Variants in GLIS3 observed in about 807,000 individuals in gnomAD.
GLIS3 encodes zinc finger protein GLIS3.
A neutral mutation model predicts 78.6 loss-of-function variants in GLIS3; 53 were observed. That is an observed-to-expected ratio of 0.67 (90% CI 0.54 to 0.85). The LOEUF (loss-of-function observed/expected upper bound fraction) is 0.85, where lower values mean the gene tolerates loss of function less well. Among genes scored for constraint, GLIS3 ranks in the 40% least tolerant of loss-of-function variants. The pLI, the probability that GLIS3 is intolerant of heterozygous loss-of-function variation, is 0.00. For missense variants in GLIS3, 1,703 were observed against 1,231.1 expected (o/e 1.38, Z -5.74); for synonymous variants, 684 against 509.9 (o/e 1.34, Z -4.60).
At chr9:4,140,563 C>T (rs942539417) in intron 2 of GLIS3, among the ~76,000 whole-genome samples, 2 of 152,090 alleles carry the variant, frequency 1.3e-5, no homozygotes, top group African/African-American at 2.4e-5. Context: ...CCCCTATTTC[C>T]AAGAAATGGA....
the GLIS3 span, among the ~76,000 whole-genome samples, chr9:4,358,898 C>T: frequency 2.2e-4 from 34 of 152,294 alleles, no homozygotes; most frequent in African/African-American, 7.9e-4. Context: ...ACTGCTGCTG[C>T]CTCCACTCTC....
chr9:4,214,188 G>A (rs554485564), intron 2 of GLIS3, among the ~76,000 whole-genome samples: 1 of 152,246 alleles, frequency 6.6e-6, no homozygotes, highest in South Asian at 2.1e-4. Flanking sequence ...TAGGATAATT[G>A]CTCAAAAATA....
At chr9:4,105,893 T>TA (rs1197586444) in intron 4 of GLIS3, among the ~76,000 whole-genome samples, 3 of 152,106 alleles carry the variant, frequency 2.0e-5, no homozygotes, top group Non-Finnish European at 4.4e-5. Flanking sequence ...TGTAAGAAGT[T>TA]AGAGTCCTCA....
At chr9:4,442,045 C>T in the GLIS3 span, among the ~76,000 whole-genome samples, 8 of 152,082 alleles carry the variant, frequency 5.3e-5, no homozygotes, top group African/African-American at 1.2e-4. Flanking sequence ...CTTCTTTAAA[C>T]GTTTGGTAGA....
intron 4 of GLIS3, among the ~76,000 whole-genome samples, chr9:3,943,147 G>A (rs1160272685): frequency 6.6e-6 from 1 of 152,190 alleles, no homozygotes; most frequent in Non-Finnish European, 1.5e-5. Flanking sequence ...TGCCACTCTG[G>A]TTTCTGTTTC....
intron 3 of GLIS3, among the ~76,000 whole-genome samples, chr9:4,309,168 A>G (rs1381126602): frequency 6.6e-6 from 1 of 152,218 alleles, no homozygotes. Flanking sequence ...CCTTTTGTGT[A>G]TATGCCCGTG....
intron 2 of GLIS3, among the ~76,000 whole-genome samples, chr9:4,332,786 C>G (rs7851895): frequency 0.76 from 116,165 of 152,154 alleles, 44,526 homozygotes; most frequent in South Asian, 0.83. Context: ...ATAGGTGTTC[C>G]TCTACACATC....
At chr9:4,412,391 AG>A in the GLIS3 span, among the ~76,000 whole-genome samples, 1 of 152,202 alleles carries the variant, frequency 6.6e-6, no homozygotes, top group Non-Finnish European at 1.5e-5. Flanking sequence ...TGGGACTAAA[AG>A]CATCCAAATC....
chr9:4,121,914 C>T (rs911626986), intron 3 of GLIS3, among the ~76,000 whole-genome samples: 3 of 152,228 alleles, frequency 2.0e-5, no homozygotes, highest in Admixed American at 2.0e-4. Flanking sequence ...CCTCTAACTC[C>T]TGCTGCTACC....
At chr9:4,257,668 G>C (rs1825103035) in intron 2 of GLIS3, among the ~76,000 whole-genome samples, 1 of 151,878 alleles carries the variant, frequency 6.6e-6, no homozygotes, top group Non-Finnish European at 1.5e-5. Flanking sequence ...CCGCCTCCCG[G>C]GTTCAGGCCA....
chr9:4,114,519 A>G (rs1233518202), intron 4 of GLIS3, among the ~76,000 whole-genome samples: 1 of 152,212 alleles, frequency 6.6e-6, no homozygotes, highest in Non-Finnish European at 1.5e-5. Flanking sequence ...TAATGCTCAA[A>G]TATTTTGATA....
chr9:4,235,298 CAA>C (rs60654092), intron 2 of GLIS3, among the ~76,000 whole-genome samples: 165 of 106,050 alleles, frequency 1.6e-3, no homozygotes, highest in Admixed American at 7.5e-3. Context: ...GACTCTGTCT[CAA>C]AAAAAAAAAA....
At chr9:4,358,775 G>A in the GLIS3 span, among the ~76,000 whole-genome samples, 27 of 152,256 alleles carry the variant, frequency 1.8e-4, 1 homozygote, top group African/African-American at 6.3e-4. Context: ...AGTCTGACTG[G>A]CATTCAACAG....
chr9:4,234,418 G>C (rs1183710106), intron 2 of GLIS3, among the ~76,000 whole-genome samples: 1 of 152,160 alleles, frequency 6.6e-6, no homozygotes, highest in Non-Finnish European at 1.5e-5. Flanking sequence ...GAGGGAGAGA[G>C]ATAGGGAATG....
At chr9:4,082,669 G>T (rs1248554056) in intron 4 of GLIS3, among the ~76,000 whole-genome samples, 2 of 152,164 alleles carry the variant, frequency 1.3e-5, no homozygotes, top group Non-Finnish European at 2.9e-5. Context: ...CAGTGTCCCG[G>T]GAGGCAGTGG....
intron 3 of GLIS3, among the ~76,000 whole-genome samples, chr9:4,309,640 T>C (rs1020885267): frequency 2.0e-5 from 3 of 152,252 alleles, no homozygotes; most frequent in Non-Finnish European, 4.4e-5. Flanking sequence ...TACATTTCTA[T>C]TTTGATGACT....
chr9:4,388,591 G>T, the GLIS3 span, among the ~76,000 whole-genome samples: 1 of 152,104 alleles, frequency 6.6e-6, no homozygotes, highest in African/African-American at 2.4e-5. Flanking sequence ...CAGGAGAATG[G>T]CTTGAATCTG....
At chr9:4,022,892 G>C (rs774226750) in intron 4 of GLIS3, among the ~76,000 whole-genome samples, 3 of 152,158 alleles carry the variant, frequency 2.0e-5, no homozygotes, top group Admixed American at 6.5e-5. Flanking sequence ...ACCCAGATCA[G>C]CGGCTGTCTG....
intron 4 of GLIS3, among the ~76,000 whole-genome samples, chr9:4,034,311 GTC>G (rs1253863475): frequency 6.6e-6 from 1 of 152,098 alleles, no homozygotes; most frequent in African/African-American, 2.4e-5. Context: ...AGAAAAAAAA[GTC>G]TGTTTCTATA....
Sources: gnomAD v4.1 joint callset for allele counts (sites outside exome capture counted in the v4.1 genomes callset) on GRCh38, gnomAD v4.1.1 for gene constraint, MANE v1.5 for transcripts, NCBI Gene and HGNC (gene_info 2026-07-23, HGNC 2026-07-21) for gene names.